The following ZSCAN5A variants were observed in gnomAD, a reference collection of about 807,000 sequenced individuals.
The protein encoded by ZSCAN5A is zinc finger and SCAN domain-containing protein 5A.
ZSCAN5A carries 12 observed loss-of-function variants against 23.7 expected under a neutral mutation model. The observed-to-expected ratio is 0.51, with a 90% CI of 0.32 to 0.82. The LOEUF is 0.82. ZSCAN5A is among the 40% of genes least tolerant of loss of function. The pLI, the probability that ZSCAN5A is intolerant of heterozygous loss-of-function variation, is 0.03. For missense variants in ZSCAN5A, 597 were observed against 617.9 expected (o/e 0.97, Z 0.36); for synonymous variants, 257 against 239.9 (o/e 1.07, Z -0.66).
chr19:56,317,504 C>T (rs2041329359), upstream of ZSCAN5A: 1 of 152,294 alleles, frequency 6.6e-6, no homozygotes, highest in South Asian at 2.1e-4. Flanking sequence ...AACTGAGGGT[C>T]CTTGTTTACG....
chr19:56,285,066 T>C, intron 2 of ZSCAN5A: 1 of 971,330 alleles, frequency 1.0e-6, no homozygotes, highest in South Asian at 4.8e-5. Flanking sequence ...GTCTTTCTCT[T>C]GTCCGCAAGG....
At chr19:56,358,622 T>C (rs541864811) in intron 2 of ZSCAN5A, among the ~76,000 whole-genome samples, 1 of 152,282 alleles carries the variant, frequency 6.6e-6, no homozygotes, top group African/African-American at 2.4e-5. Flanking sequence ...CAACAGAACA[T>C]ACATTTTTCT....
At chr19:56,256,256 G>A (rs553364834) in intron 2 of ZSCAN5A, among the ~76,000 whole-genome samples, 8 of 152,218 alleles carry the variant, frequency 5.3e-5, no homozygotes, top group African/African-American at 4.8e-5. Context: ...GCAGTGGTGC[G>A]ATCATAGCTC....
chr19:56,302,325 C>T (rs116128793), intron 2 of ZSCAN5A, among the ~76,000 whole-genome samples: 1,691 of 143,446 alleles, frequency 0.012, 19 homozygotes, highest in Non-Finnish European at 0.017. Flanking sequence ...TCCCTCCCTC[C>T]CCTTCCTCCT....
At chr19:56,286,150 T>C (rs1452678077) in intron 2 of ZSCAN5A, among the ~76,000 whole-genome samples, 2 of 151,876 alleles carry the variant, frequency 1.3e-5, no homozygotes, top group South Asian at 2.1e-4. Flanking sequence ...GCCTCCCGAG[T>C]AGCTGGGACT....
upstream of ZSCAN5A, chr19:56,317,813 G>A (rs985377475): frequency 6.6e-6 from 1 of 152,410 alleles, no homozygotes; most frequent in African/African-American, 2.4e-5. Context: ...CCTTGACTAT[G>A]GGAGTGTTTT....
chr19:56,238,081 G>A (rs1442518985), intron 2 of ZSCAN5A, among the ~76,000 whole-genome samples: 38 of 37,884 alleles, frequency 1.0e-3, no homozygotes, highest in South Asian at 2.8e-3. Flanking sequence ...CACACACAGA[G>A]ACACACCCGG....
chr19:56,329,752 TTTG>T (rs1462120130), intron 2 of ZSCAN5A, among the ~76,000 whole-genome samples: 4 of 152,230 alleles, frequency 2.6e-5, no homozygotes, highest in Non-Finnish European at 5.9e-5. Flanking sequence ...AATATCTTAT[TTTG>T]TTCTTTGTGT....
chr19:56,258,964 G>T (rs1367888442), intron 2 of ZSCAN5A, among the ~76,000 whole-genome samples: 1 of 152,130 alleles, frequency 6.6e-6, no homozygotes, highest in East Asian at 1.9e-4. Context: ...GAGAGGACCT[G>T]AGACAGCATG....
chr19:56,346,847 C>T (rs2041637175), intron 2 of ZSCAN5A, among the ~76,000 whole-genome samples: 1 of 152,154 alleles, frequency 6.6e-6, no homozygotes, highest in South Asian at 2.1e-4. Context: ...CCTGCCTCGG[C>T]CTCCCGAGTA....
intron 2 of ZSCAN5A, among the ~76,000 whole-genome samples, chr19:56,232,375 A>G (rs957189007): frequency 2.6e-5 from 4 of 152,024 alleles, no homozygotes; most frequent in Admixed American, 6.6e-5. Flanking sequence ...TTTGAGATTC[A>G]TCCATGTTCT....
intron 2 of ZSCAN5A, chr19:56,274,618 A>G (rs2038115700): frequency 6.6e-6 from 1 of 152,210 alleles, no homozygotes; most frequent in Non-Finnish European, 1.5e-5. Flanking sequence ...CCATAGCACA[A>G]TGACTAAAAG....
chr19:56,244,133 A>G, intron 2 of ZSCAN5A: 1 of 1,592,280 alleles, frequency 6.3e-7, no homozygotes, highest in Non-Finnish European at 8.6e-7. Context: ...TTCCCCAGAA[A>G]CTCAACTTGG....
chr19:56,240,024 T>C lies in ZSCAN5A; in HGVS notation c.-127-14851A>G, dbSNP rs1209632899. 2.0e-5 allele frequency among the ~76,000 whole-genome samples: 3 copies of C among 152,154 alleles called. 1 individual carries two copies. The highest frequency in any genetic ancestry group is 1.9e-4 in the East Asian group (1 of 5,170). ...TAAAAATACAAAAATTAGCCAGGCG[T>C]GGTGGCGGGCACCTGTAATCCCAGC... On this transcript the variant is annotated intron_variant, in intron 2 of 5. Transcript: ENST00000683990.
At chr19:56,329,006 A>AAAAAAAAT (rs1555811870) in intron 2 of ZSCAN5A, among the ~76,000 whole-genome samples, 3 of 144,508 alleles carry the variant, frequency 2.1e-5, no homozygotes, top group African/African-American at 8.1e-5. Context: ...AAAAAAAAAA[A>AAAAAAAAT]AAATAAATAA....
At chr19:56,341,585 A>C (rs2041592099) in intron 2 of ZSCAN5A, among the ~76,000 whole-genome samples, 3 of 151,962 alleles carry the variant, frequency 2.0e-5, no homozygotes, top group Admixed American at 2.0e-4. Context: ...TGTCACAAGG[A>C]CTTTAAAAGC....
intron 1 of ZSCAN5A, chr19:56,367,920 A>T (rs2041782234): frequency 6.6e-6 from 1 of 152,284 alleles, no homozygotes; most frequent in Admixed American, 6.5e-5. Context: ...CACCTCTCAT[A>T]ACACTTTCCC....
At position 56,270,173 on chromosome 19, in the gene ZSCAN5A, A is replaced by C. The variant is rs559320556; in HGVS notation, c.-128+43110T>G. On this transcript the variant is annotated intron_variant, in intron 2 of 5. Transcript: ENST00000683990. ...TGAAAAAAAAAAAAAAGATCCCAGC[A>C]CTATGGGAGGCCGAGGTGGGTGGAT... Among the ~76,000 whole-genome samples the C allele has an allele frequency of 2.0e-5, 3 of 150,984 alleles. No homozygotes were observed. The East Asian group carries it at 5.8e-4, about 29-fold the overall frequency.
At chr19:56,335,987 C>A (rs964858309) in intron 2 of ZSCAN5A, among the ~76,000 whole-genome samples, 1 of 152,198 alleles carries the variant, frequency 6.6e-6, no homozygotes, top group African/African-American at 2.4e-5. Context: ...TTGTGGGTAA[C>A]CCGACCTTTC....
Sources: allele counts gnomAD v4.1 joint callset (sites outside exome capture counted in the v4.1 genomes callset), GRCh38; gene constraint gnomAD v4.1.1; transcripts MANE v1.5; gene names NCBI Gene and HGNC (gene_info 2026-07-23, HGNC 2026-07-21).